The following SECISBP2L variants were observed in gnomAD, a reference collection of about 807,000 sequenced individuals.
SECISBP2L encodes the protein SECIS binding protein 2 like.
In SECISBP2L, 43 loss-of-function variants were observed where a neutral mutation model predicts 114.7. The observed-to-expected ratio is 0.38, with a 90% confidence interval of 0.29 to 0.48. The LOEUF (loss-of-function observed/expected upper bound fraction) is 0.48, where lower values mean the gene tolerates loss of function less well. Ranked by LOEUF, SECISBP2L falls within the 20% of genes least tolerant of loss-of-function variation. The pLI is 0.98. For missense variants in SECISBP2L, 1,136 were observed against 1,301.1 expected (o/e 0.87, Z 1.95); for synonymous variants, 451 against 439.7 (o/e 1.03, Z -0.32).
Position 49,019,478 on chromosome 15 carries a change from C to T in SECISBP2L, c.1110G>A (p.Lys370=). The T allele has an allele frequency of 1.3e-6, 2 of 1,511,682 alleles. No individual in the cohort carries two copies. The highest frequency in any genetic ancestry group is 1.8e-6 in the Non-Finnish European group (2 of 1,137,068). 93.6% of individuals were successfully genotyped at this position (1,511,682 alleles called of 1,614,324 possible). The change falls in exon 8 of 18, where the codon AAG becomes AAA. Residue 370 remains lysine (K), a synonymous_variant. Coordinates refer to ENST00000559471, the MANE Select transcript of SECISBP2L (RefSeq NM_001193489.2). ...RQNLQKRPDN[K]HLSSSQSHRS... is the part of the protein sequence containing the mutation. ...TATGGGATTGACTAGAGCTTAAATG[C>T]TTATTATCTGGTCTCTTTTGCAAAT...
chr15:48,999,606 G>T (rs1386974769), intron 16 of SECISBP2L, among the ~76,000 whole-genome samples: 1 of 152,112 alleles, frequency 6.6e-6, no homozygotes. Flanking sequence ...CACTTTGGCA[G>T]AAATACGAAC....
chr15:49,015,881 G>GC (rs1902525783), intron 11 of SECISBP2L, among the ~76,000 whole-genome samples: 1 of 152,144 alleles, frequency 6.6e-6, no homozygotes, highest in Admixed American at 6.5e-5. Context: ...TTTATGCAGA[G>GC]ATCTAAAGAA....
At chr15:49,019,360 A>T (rs1902596877) in intron 8 of SECISBP2L, 58 bp downstream of exon 8, 2 of 1,267,748 alleles carry the variant, frequency 1.6e-6, no homozygotes, top group Non-Finnish European at 2.0e-6. Flanking sequence ...GTAACAAATT[A>T]ATTTCTTAAT....
chr15:49,018,053 T>C (rs1337478464), intron 8 of SECISBP2L, among the ~76,000 whole-genome samples: 2 of 152,196 alleles, frequency 1.3e-5, no homozygotes, highest in African/African-American at 2.4e-5. Context: ...ATCTTTTCCA[T>C]TGAAATTAAT....
chr15:49,031,804 T>C (rs1595794584), intron 4 of SECISBP2L, among the ~76,000 whole-genome samples: 1 of 152,344 alleles, frequency 6.6e-6, no homozygotes, highest in East Asian at 1.9e-4. Flanking sequence ...AATGTCTTTG[T>C]GGTTAAAATA....
At chr15:49,006,177 A>C (rs1295523647) in intron 14 of SECISBP2L, among the ~76,000 whole-genome samples, 1 of 152,136 alleles carries the variant, frequency 6.6e-6, no homozygotes. Flanking sequence ...GGCTGCCTTT[A>C]ACATTTTTTC....
intron 1 of SECISBP2L, among the ~76,000 whole-genome samples, chr15:49,038,431 TAA>T (rs79850913): frequency 2.9e-5 from 3 of 104,168 alleles, no homozygotes; most frequent in African/African-American, 3.4e-5. Flanking sequence ...TTAAAAGACA[TAA>T]AAAAAAAAAA....
At chr15:49,031,214 A>AT (rs1255771774) in intron 4 of SECISBP2L, among the ~76,000 whole-genome samples, 2 of 151,580 alleles carry the variant, frequency 1.3e-5, no homozygotes, top group East Asian at 3.9e-4. Context: ...CACAGAGCTG[A>AT]TTTTTATATT....
chr15:48,992,260 G>A lies in SECISBP2L; in HGVS notation c.3290C>T (p.Thr1097Ile). Residue 1097 changes from threonine to isoleucine, a missense_variant, in exon 18 of 18, where the codon ACA becomes ATA. Transcript: ENST00000559471. The part of the protein sequence containing the change: ...LNKEHSDSNY[T>I]TQTT ...TTTCCTGAGTTACGTAGTTTGCGTT[G>A]TGTAATTAGAATCAGAGTGCTCTTT... 1 of 1,605,754 alleles carries A rather than the reference G, an allele frequency of 6.2e-7. No homozygotes were observed. The highest frequency in any genetic ancestry group is 8.5e-7 in the Non-Finnish European group (1 of 1,175,296).
At chr15:49,016,140 C>G (rs1397702462) in intron 11 of SECISBP2L, among the ~76,000 whole-genome samples, 1 of 152,186 alleles carries the variant, frequency 6.6e-6, no homozygotes, top group Non-Finnish European at 1.5e-5. Flanking sequence ...GGATTCTGAG[C>G]AGTGAAGTGA....
At chr15:49,030,512 T>C (rs1040861104) in intron 4 of SECISBP2L, among the ~76,000 whole-genome samples, 4 of 152,260 alleles carry the variant, frequency 2.6e-5, no homozygotes, top group African/African-American at 2.4e-5. Flanking sequence ...TATTGATTCA[T>C]ATTAATTCTT....
intron 11 of SECISBP2L, among the ~76,000 whole-genome samples, chr15:49,016,071 A>G (rs763329518): frequency 3.9e-5 from 6 of 152,238 alleles, no homozygotes; most frequent in African/African-American, 7.2e-5. Flanking sequence ...AGGGTCAGCT[A>G]AAATATGGCT....
At chr15:49,018,663 T>C (rs1039085811) in intron 8 of SECISBP2L, among the ~76,000 whole-genome samples, 3 of 152,174 alleles carry the variant, frequency 2.0e-5, no homozygotes, top group Non-Finnish European at 4.4e-5. Flanking sequence ...CCAACCAAAA[T>C]GAGTTACTCA....
At chr15:48,995,655 C>T (rs1902071211) in intron 17 of SECISBP2L, among the ~76,000 whole-genome samples, 1 of 152,004 alleles carries the variant, frequency 6.6e-6, no homozygotes, top group Admixed American at 6.6e-5. Context: ...AAATCATAAA[C>T]TAAACCAAGA....
intron 2 of SECISBP2L, 117 bp from the exon 3 acceptor site, chr15:49,035,775 T>C: frequency 1.0e-6 from 1 of 974,262 alleles, no homozygotes. Flanking sequence ...TTCATGATAA[T>C]TTTGGGAAAG....
chr15:49,022,179 G>A (rs758575671), intron 7 of SECISBP2L, among the ~76,000 whole-genome samples: 4 of 152,056 alleles, frequency 2.6e-5, no homozygotes, highest in Non-Finnish European at 4.4e-5. Context: ...GTGCAGTGGC[G>A]CCATCATAGC....
intron 7 of SECISBP2L, among the ~76,000 whole-genome samples, chr15:49,027,097 A>G (rs1452186565): frequency 6.6e-6 from 1 of 152,276 alleles, no homozygotes; most frequent in African/African-American, 2.4e-5. Context: ...ATGGCAAATG[A>G]AACAGGATTA....
intron 14 of SECISBP2L, chr15:49,001,833 G>A (rs1168300508): frequency 6.6e-6 from 1 of 152,210 alleles, no homozygotes; most frequent in African/African-American, 2.4e-5. Flanking sequence ...TGGTGTGTAT[G>A]TGCCACATTT....
intron 14 of SECISBP2L, among the ~76,000 whole-genome samples, chr15:49,007,260 G>A (rs893684108): frequency 3.3e-5 from 5 of 152,228 alleles, no homozygotes; most frequent in Non-Finnish European, 5.9e-5. Context: ...TCCTATTCAG[G>A]AGGCACAGGG....
Sources: allele counts gnomAD v4.1 joint callset (sites outside exome capture counted in the v4.1 genomes callset), GRCh38; gene constraint gnomAD v4.1.1; transcripts MANE v1.5; gene names NCBI Gene and HGNC (gene_info 2026-07-23, HGNC 2026-07-21).